FAN1: variants seen among roughly 807,000 people sequenced by gnomAD.
The protein encoded by FAN1 is FANCD2 and FANCI associated nuclease 1.
In FAN1, 91 loss-of-function variants were observed where a neutral mutation model predicts 104.9. That is an observed-to-expected ratio of 0.87 (90% CI 0.73 to 1.03). FAN1 has a LOEUF of 1.03. FAN1 is among the 50% of genes least tolerant of loss of function. The probability of loss-of-function intolerance (pLI) is 0.00; values close to 1 mark genes in which losing one functional copy is unlikely to be tolerated. For missense variants in FAN1, 1,263 were observed against 1,239.9 expected, an observed-to-expected ratio of 1.02 and a Z score of -0.28; for synonymous variants, 478 against 457.6, an observed-to-expected ratio of 1.04 and a Z score of -0.57.
At chr15:30,919,822 A>C (rs1236716024) in intron 6 of FAN1, among the ~76,000 whole-genome samples, 2 of 152,030 alleles carry the variant, frequency 1.3e-5, no homozygotes, top group Non-Finnish European at 2.9e-5. Flanking sequence ...ACGAGGAGAG[A>C]GAGGAGGGCT....
rs559159415 is a variant in FAN1, at chr15:30,928,107, A to T, written c.2489-446A>T. ...GAGGTGGCTGCTGCCGGCCTCCGGG[A>T]GGTCCCCTTAGGGAAGCATTTCTTC... On this transcript the variant is annotated intron_variant, in intron 10 of 14. Coordinates refer to ENST00000362065, the MANE Select transcript of FAN1 (RefSeq NM_014967.5). The T allele has an allele frequency of 8.0e-6, 8 of 999,824 alleles. No individual in the cohort carries two copies. In the South Asian group the frequency reaches 2.6e-4, roughly 33 times the overall value. 61.9% of individuals were successfully genotyped at this position (999,824 alleles called of 1,614,324 possible). A position where few individuals can be genotyped will look rare whatever the true frequency, so the allele number is the denominator to read the frequency against.
rs11855608 is a variant in FAN1 at position 30,920,259 on chromosome 15, A to G, written c.1944-286A>G. On this transcript the variant is annotated intron_variant, in intron 6 of 14. Coordinates refer to ENST00000362065, the MANE Select transcript of FAN1 (RefSeq NM_014967.5). ...ATAAAAACCATTCTTAGTTTGCAGG[A>G]CATAGAAAATCAGGTGGCAGACCCT... is the stretch of plus-strand genomic sequence containing the variant. Among the ~76,000 whole-genome samples the G allele has an allele frequency of 3.3e-3, 502 of 152,340 alleles. 2 individuals carry two copies. Among genetic ancestry groups the G allele is most frequent in the African/African-American group, 0.011 (453 of 41,584 alleles).
intron 5 of FAN1, among the ~76,000 whole-genome samples, chr15:30,916,193 T>C (rs932480827): frequency 1.3e-5 from 2 of 152,236 alleles, no homozygotes; most frequent in Non-Finnish European, 2.9e-5. Flanking sequence ...TTGTTTTTAC[T>C]GGCTTTACGC....
Position 30,914,081 on chromosome 15 carries a change from G to C in FAN1, c.1801G>C (p.Asp601His). 1 of 1,608,302 alleles carries C rather than the reference G, an allele frequency of 6.2e-7. No homozygotes were observed. Among genetic ancestry groups the C allele is most frequent in the Non-Finnish European group, 8.5e-7 (1 of 1,174,706 alleles). ...AACCCACATCTTCCAAGACAGAGAT[G>C]ATCTTATCAGGTAAGATGATGTTAG... Reference protein sequence around the residue: ...RKTHIFQDRDDLIRYAAATHM... With the variant: ...RKTHIFQDRDHLIRYAAATHM... The change falls in exon 5 of 15, where the codon GAT becomes CAT. Residue 601 changes from aspartate (D) to histidine (H), a missense_variant. Around this residue, in one of 2 missense-constraint regions of FAN1, gnomAD observed 581 missense variants for 668.8 expected, o/e 0.87. Transcript: ENST00000362065.
At chr15:30,910,397 A>T (rs1388603428) in intron 3 of FAN1, among the ~76,000 whole-genome samples, 1 of 152,200 alleles carries the variant, frequency 6.6e-6, no homozygotes, top group Non-Finnish European at 1.5e-5. Context: ...TTTAGATTTT[A>T]GTGAGAAATT....
At chr15:30,911,005 A>G (rs191452532) in intron 4 of FAN1, 190 bp downstream of exon 4, 18 of 1,296,106 alleles carry the variant, frequency 1.4e-5, no homozygotes, top group Admixed American at 7.6e-5. Context: ...TTTTGTCGTA[A>G]TACCGTACTA....
chr15:30,908,010 C>A, intron 2 of FAN1, 108 bp from the exon 3 acceptor site: 1 of 831,856 alleles, frequency 1.2e-6, no homozygotes, highest in East Asian at 2.8e-5. Flanking sequence ...AAATGAAGGC[C>A]TTATACATAC....
rs982979016 is a variant in FAN1 at position 30,932,008 on chromosome 15, G to A, written c.2916+1337G>A. ...GAGACAGAGGTGGGCGGATCACGAG[G>A]TCAGGAGATTGAGACCATCCTGGCT... On this transcript the variant is annotated intron_variant, in intron 13 of 14. Coordinates refer to ENST00000362065, the MANE Select transcript of FAN1 (RefSeq NM_014967.5). 4.6e-5 allele frequency among the ~76,000 whole-genome samples: 7 copies of A among 151,538 alleles called. No homozygotes were observed. The East Asian group carries it at 9.8e-4, about 21-fold the overall frequency.
chr15:30,920,394 G>C, intron 6 of FAN1, 151 bp from the exon 7 acceptor site: 1 of 606,756 alleles, frequency 1.6e-6, no homozygotes, highest in South Asian at 2.2e-5. Flanking sequence ...TGAGAATGTA[G>C]GTTTGTGGTG....
intron 3 of FAN1, among the ~76,000 whole-genome samples, chr15:30,909,520 C>G (rs2062052326): frequency 6.6e-6 from 1 of 152,216 alleles, no homozygotes; most frequent in South Asian, 2.1e-4. Flanking sequence ...ATATGTCTGA[C>G]AGGCATGCCA....
chr15:30,941,395 C>A, intron 14 of FAN1, 171 bp from the exon 15 acceptor site: 2 of 1,546,784 alleles, frequency 1.3e-6, no homozygotes, highest in South Asian at 1.3e-5. Context: ...GAGATTCAAA[C>A]GCCTAGGTTA....
At chr15:30,937,992 T>C (rs535202377) in intron 14 of FAN1, among the ~76,000 whole-genome samples, 1 of 151,728 alleles carries the variant, frequency 6.6e-6, no homozygotes, top group Non-Finnish European at 1.5e-5. Flanking sequence ...GAGACCATCC[T>C]GGCCAACATG....
chr15:30,937,376 TAC>T lies in FAN1; in HGVS notation c.*3+119_*3+120del, dbSNP rs1347728729. The T allele has an allele frequency of 4.5e-5, 43 of 956,700 alleles. 1 individual carries two copies. In the Admixed American group the frequency reaches 9.7e-4, roughly 21 times the overall value. 59.3% of individuals were successfully genotyped at this position (956,700 alleles called of 1,614,324 possible). A position where few individuals can be genotyped will look rare whatever the true frequency, so the allele number is the denominator to read the frequency against. ...AACCTGATAGTTTGACTTGTCATTT[TAC>T]AGTGTCTGCATATCACAAAACAGTG... On this transcript the variant is annotated intron_variant, in intron 14 of 14. Transcript: ENST00000362065.
chr15:30,929,825 C>T (rs1274180122), intron 12 of FAN1, among the ~76,000 whole-genome samples: 1 of 62,342 alleles, frequency 1.6e-5, no homozygotes, highest in Non-Finnish European at 2.5e-5. Context: ...TATATTATAT[C>T]ATATATAATA....
At chr15:30,910,213 A>G (rs1031784893) in intron 3 of FAN1, among the ~76,000 whole-genome samples, 1 of 152,148 alleles carries the variant, frequency 6.6e-6, no homozygotes, top group Non-Finnish European at 1.5e-5. Flanking sequence ...TGAGCAGGAG[A>G]GGCTTGTGGG....
At chr15:30,910,500 G>T in intron 3 of FAN1, 114 bp from the exon 4 acceptor site, 1 of 593,982 alleles carries the variant, frequency 1.7e-6, no homozygotes, top group Non-Finnish European at 2.9e-6. Flanking sequence ...TGATTGGTTT[G>T]GCCAACTAAT....
chr15:30,908,143 G>T lies in FAN1; in HGVS notation c.1260G>T (p.Arg420Ser). 1.2e-6 allele frequency: 2 copies of T among 1,610,244 alleles called. No individual in the cohort carries two copies. Among genetic ancestry groups the T allele is most frequent in the South Asian group, 2.2e-5 (2 of 89,636 alleles). Residue 420 changes from arginine to serine, a missense_variant, in exon 3 of 15, where the codon AGG (arginine) becomes AGT (serine). By Grantham distance (110) the Arg-to-Ser change is moderately radical. This residue lies in a region of FAN1 where 682 missense variants were observed against 571.1 expected (regional missense o/e 1.19). Transcript: ENST00000362065. ...LSATGQKLYV[R>S]LFQRKLSWIK... is the part of the protein sequence containing the mutation. ...CTACTGGTCAGAAGTTATATGTAAG[G>T]CTCTTTCAACGTAAATTAAGCTGGA...
chr15:30,907,450 A>C, intron 2 of FAN1, among the ~76,000 whole-genome samples: 1 of 152,076 alleles, frequency 6.6e-6, no homozygotes, highest in South Asian at 2.1e-4. Flanking sequence ...CCCAGGAGGC[A>C]GAGCTTTCAG....
intron 4 of FAN1, among the ~76,000 whole-genome samples, chr15:30,912,725 A>G (rs2062124625): frequency 6.6e-6 from 1 of 152,184 alleles, no homozygotes; most frequent in South Asian, 2.1e-4. Flanking sequence ...ATCTGGAGAC[A>G]TTTTTGGTTG....
Sources: gnomAD v4.1 joint callset for allele counts (sites outside exome capture counted in the v4.1 genomes callset) on GRCh38, gnomAD v4.1.1 for gene constraint, gnomAD v4.1.1 regional missense constraint, MANE v1.5 for transcripts, NCBI Gene and HGNC (gene_info 2026-07-23, HGNC 2026-07-21) for gene names.